CCSER1: variants seen among roughly 807,000 people sequenced by gnomAD.
The protein encoded by CCSER1 is coiled-coil serine rich protein 1, also known as serine-rich coiled-coil domain-containing protein 1.
In CCSER1, 41 loss-of-function variants were observed where a neutral mutation model predicts 82.0. The observed-to-expected ratio is 0.50, with a 90% CI of 0.39 to 0.65. The LOEUF is 0.65. Among genes scored for constraint, CCSER1 ranks in the 30% least tolerant of loss-of-function variants. CCSER1 has a pLI of 0.00. For missense variants in CCSER1, 1,119 were observed against 1,064.2 expected (o/e 1.05, Z -0.72); for synonymous variants, 414 against 383.9 (o/e 1.08, Z -0.92).
chr4:90,809,913 T>C (rs574972149), intron 7 of CCSER1, among the ~76,000 whole-genome samples: 1 of 148,814 alleles, frequency 6.7e-6, no homozygotes, highest in South Asian at 2.1e-4. Flanking sequence ...ATAAGAACTA[T>C]ACATTCTTTG....
chr4:91,016,815 AT>A (rs1739471449), intron 9 of CCSER1, among the ~76,000 whole-genome samples: 1 of 152,150 alleles, frequency 6.6e-6, no homozygotes. Context: ...TGTTAGAAAG[AT>A]TTGTAGTTGT....
chr4:90,635,685 GA>G (rs1725295961), intron 6 of CCSER1, among the ~76,000 whole-genome samples: 1 of 151,668 alleles, frequency 6.6e-6, no homozygotes, highest in African/African-American at 2.4e-5. Flanking sequence ...CAGTTGAATA[GA>G]AAAAAGTTCT....
At chr4:91,176,195 G>A (rs1335100275) in intron 10 of CCSER1, among the ~76,000 whole-genome samples, 1 of 12,102 alleles carries the variant, frequency 8.3e-5, no homozygotes, top group Non-Finnish European at 1.4e-4. Context: ...TCTCTGTTTT[G>A]GTACCAGTAC....
intron 8 of CCSER1, among the ~76,000 whole-genome samples, chr4:90,865,970 C>A (rs945285538): frequency 6.6e-6 from 1 of 151,882 alleles, no homozygotes; most frequent in African/African-American, 2.4e-5. Context: ...GCAGGCATGT[C>A]TTACATGGTC....
At chr4:91,528,829 A>T (rs896995629) in intron 10 of CCSER1, among the ~76,000 whole-genome samples, 2 of 152,154 alleles carry the variant, frequency 1.3e-5, no homozygotes, top group Non-Finnish European at 2.9e-5. Flanking sequence ...TAAATACATC[A>T]TTCAGAGAAA....
intron 4 of CCSER1, among the ~76,000 whole-genome samples, chr4:90,407,084 G>A (rs995151739): frequency 9.2e-5 from 14 of 151,800 alleles, no homozygotes; most frequent in African/African-American, 2.9e-4. Context: ...CTTTTTCTTC[G>A]AAAAAAATAA....
At chr4:91,217,776 TAC>T (rs1415244627) in intron 10 of CCSER1, among the ~76,000 whole-genome samples, 2 of 152,148 alleles carry the variant, frequency 1.3e-5, no homozygotes, top group African/African-American at 4.8e-5. Flanking sequence ...AGCAGCTAGA[TAC>T]AGAGTGTCCA....
At chr4:90,846,552 T>G (rs1323411598) in intron 8 of CCSER1, among the ~76,000 whole-genome samples, 3 of 152,204 alleles carry the variant, frequency 2.0e-5, no homozygotes. Context: ...CCTCAAACAT[T>G]TATTATTACT....
chr4:91,439,229 G>A (rs919164030), intron 10 of CCSER1, among the ~76,000 whole-genome samples: 1 of 152,176 alleles, frequency 6.6e-6, no homozygotes, highest in African/African-American at 2.4e-5. Context: ...GGCAGCCAGA[G>A]AGAAAGGTCG....
chr4:91,435,646 A>G (rs912909322), intron 10 of CCSER1, among the ~76,000 whole-genome samples: 7 of 152,146 alleles, frequency 4.6e-5, no homozygotes, highest in Non-Finnish European at 1.0e-4. Context: ...TCTTTTATAT[A>G]TTTTTTGAAA....
chr4:90,304,773 A>G (rs1235591372), intron 1 of CCSER1, among the ~76,000 whole-genome samples: 2 of 152,172 alleles, frequency 1.3e-5, no homozygotes, highest in Non-Finnish European at 2.9e-5. Context: ...CATTGCGCAC[A>G]TGTACCCTAA....
chr4:91,390,846 A>C (rs2149349321), intron 10 of CCSER1, among the ~76,000 whole-genome samples: 1 of 152,122 alleles, frequency 6.6e-6, no homozygotes, highest in African/African-American at 2.4e-5. Flanking sequence ...CATTTTATTT[A>C]GCTTATCAAA....
At chr4:90,298,033 C>T (rs1344326069) in intron 1 of CCSER1, among the ~76,000 whole-genome samples, 3 of 152,030 alleles carry the variant, frequency 2.0e-5, no homozygotes, top group Non-Finnish European at 4.4e-5. Flanking sequence ...AGGATCCCCT[C>T]TTTTCTATTG....
intron 9 of CCSER1, among the ~76,000 whole-genome samples, chr4:91,078,899 AC>A (rs1722347723): frequency 6.6e-6 from 1 of 152,200 alleles, no homozygotes; most frequent in African/African-American, 2.4e-5. Context: ...AAAGAAATGA[AC>A]AAACCCTCCA....
intron 5 of CCSER1, among the ~76,000 whole-genome samples, chr4:90,620,495 T>A (rs1722106876): frequency 6.6e-6 from 1 of 152,200 alleles, no homozygotes; most frequent in Non-Finnish European, 1.5e-5. Context: ...GATACATTGA[T>A]GAACAAGAAA....
At chr4:90,800,681 C>T (rs966089074) in intron 7 of CCSER1, among the ~76,000 whole-genome samples, 6 of 151,992 alleles carry the variant, frequency 3.9e-5, no homozygotes, top group Admixed American at 1.3e-4. Flanking sequence ...GTTTGTAAAG[C>T]GACTTATGTC....
At chr4:90,702,178 C>G (rs967468126) in intron 6 of CCSER1, among the ~76,000 whole-genome samples, 1 of 152,120 alleles carries the variant, frequency 6.6e-6, no homozygotes, top group East Asian at 1.9e-4. Context: ...GAGTTTTTAG[C>G]ATGAAGGGCT....
chr4:90,872,951 C>A (rs906096524), intron 8 of CCSER1, among the ~76,000 whole-genome samples: 1 of 151,980 alleles, frequency 6.6e-6, no homozygotes, highest in Non-Finnish European at 1.5e-5. Context: ...CATATTGGAG[C>A]TTCTTTGTAT....
intron 1 of CCSER1, among the ~76,000 whole-genome samples, chr4:90,133,228 A>G (rs934396266): frequency 2.0e-5 from 3 of 152,236 alleles, no homozygotes; most frequent in Non-Finnish European, 4.4e-5. Flanking sequence ...TTGTCCATCA[A>G]AAGTTTTTCA....
Sources: allele counts gnomAD v4.1 joint callset (sites outside exome capture counted in the v4.1 genomes callset), GRCh38; gene constraint gnomAD v4.1.1; transcripts MANE v1.5; gene names NCBI Gene and HGNC (gene_info 2026-07-23, HGNC 2026-07-21).